UNC13A: variants seen among roughly 807,000 people sequenced by gnomAD.
The protein encoded by UNC13A is protein unc-13 homolog A.
UNC13A carries 61 observed loss-of-function variants against 219.7 expected under a neutral mutation model. The observed-to-expected ratio is 0.28, with a 90% CI of 0.23 to 0.34. The LOEUF (loss-of-function observed/expected upper bound fraction) is 0.34, where lower values mean the gene tolerates loss of function less well. UNC13A is among the 10% of genes least tolerant of loss of function. The pLI is 1.00. For synonymous variants in UNC13A, 920 were observed against 884.6 expected (o/e 1.04, Z -0.71); for missense variants, 1,476 against 2,270.3 (o/e 0.65, Z 7.11).
chr19:17,657,107 G>A (rs2079471278), intron 9 of UNC13A, among the ~76,000 whole-genome samples: 1 of 151,994 alleles, frequency 6.6e-6, no homozygotes, highest in Non-Finnish European at 1.5e-5. Flanking sequence ...GAAGCCACAG[G>A]GAATTGTAAA....
At chr19:17,660,342 C>A (rs928681536) in intron 8 of UNC13A, among the ~76,000 whole-genome samples, 3 of 151,534 alleles carry the variant, frequency 2.0e-5, no homozygotes, top group Admixed American at 6.6e-5. Context: ...GAGTTGGATT[C>A]TTTTTGCTTT....
intron 1 of UNC13A, among the ~76,000 whole-genome samples, chr19:17,680,152 AGG>A (rs1463659027): frequency 2.0e-5 from 1 of 49,772 alleles, no homozygotes; most frequent in African/African-American, 8.0e-5. Context: ...ATGGGCGCAG[AGG>A]GGAGGGTGGT....
rs1263784423 is a variant in UNC13A at position 17,605,288 on chromosome 19, C to G, written c.*766G>C. 6.5e-6 allele frequency: 1 copy of G among 152,860 alleles called. No individual in the cohort carries two copies. The highest frequency in any genetic ancestry group is 1.5e-5 in the Non-Finnish European group (1 of 68,206). 9.5% of individuals were successfully genotyped at this position (152,860 alleles called of 1,614,324 possible). ...AAGTCTCAAGCAGCTCTTTAAGCCT[C>G]AGTTTTGCCATCTGTCAAATGGGTG... On this transcript the variant is annotated 3_prime_UTR_variant, in exon 44 of 44. Coordinates refer to ENST00000519716, the MANE Select transcript of UNC13A (RefSeq NM_001080421.3).
intron 43 of UNC13A, among the ~76,000 whole-genome samples, chr19:17,608,930 C>G (rs1002518917): frequency 6.7e-6 from 1 of 148,952 alleles, no homozygotes; most frequent in Non-Finnish European, 1.5e-5. Flanking sequence ...AGCTTACAGG[C>G]GTGAGCCACC....
intron 28 of UNC13A, among the ~76,000 whole-genome samples, 161 bp from the exon 29 acceptor site, chr19:17,630,911 A>G (rs1253278056): frequency 6.6e-6 from 1 of 152,030 alleles, no homozygotes; most frequent in Non-Finnish European, 1.5e-5. Flanking sequence ...CGCCTCCTGC[A>G]CTGAACCTCA....
chr19:17,644,792 G>T (rs778933898), intron 19 of UNC13A, among the ~76,000 whole-genome samples: 2 of 151,868 alleles, frequency 1.3e-5, no homozygotes, highest in African/African-American at 2.4e-5. Context: ...CTCAGGCTCA[G>T]GGGATCCTCC....
intron 41 of UNC13A, among the ~76,000 whole-genome samples, chr19:17,616,946 C>T (rs1353176644): frequency 2.0e-5 from 3 of 152,164 alleles, no homozygotes; most frequent in Non-Finnish European, 4.4e-5. Flanking sequence ...GCCCCAGCTG[C>T]CGTGTGTGTG....
intron 2 of UNC13A, 72 bp downstream of exon 2, chr19:17,675,940 C>T (rs2079889927): frequency 7.8e-6 from 12 of 1,532,270 alleles, no homozygotes; most frequent in South Asian, 3.6e-5. Flanking sequence ...GCTGGGACCC[C>T]CTCCCAGTCT....
At chr19:17,659,515 C>T (rs1047332706) in intron 8 of UNC13A, among the ~76,000 whole-genome samples, 2 of 152,216 alleles carry the variant, frequency 1.3e-5, no homozygotes, top group African/African-American at 2.4e-5. Flanking sequence ...TGCCTGTAAT[C>T]CCAGCACTTT....
chr19:17,608,870 C>A (rs533423563), intron 43 of UNC13A, among the ~76,000 whole-genome samples: 2 of 149,260 alleles, frequency 1.3e-5, no homozygotes, highest in African/African-American at 2.5e-5. Context: ...AGGCTGGTCT[C>A]GAACTCCTGG....
intron 1 of UNC13A, 81 bp from the exon 2 acceptor site, chr19:17,676,122 G>A: frequency 7.2e-7 from 1 of 1,395,422 alleles, no homozygotes; most frequent in Non-Finnish European, 1.0e-6. Flanking sequence ...GAGATTCAGA[G>A]ACACACCAAG....
At chr19:17,676,699 C>T (rs1393799285) in intron 1 of UNC13A, among the ~76,000 whole-genome samples, 1 of 152,162 alleles carries the variant, frequency 6.6e-6, no homozygotes, top group Non-Finnish European at 1.5e-5. Flanking sequence ...GACAAAGCAA[C>T]CCAGAGAGCT....
chr19:17,663,944 C>T (rs1454939271), intron 7 of UNC13A, among the ~76,000 whole-genome samples: 2 of 151,710 alleles, frequency 1.3e-5, no homozygotes, highest in East Asian at 3.8e-4. Context: ...TACAGGCACA[C>T]ACCACCATGT....
intron 8 of UNC13A, among the ~76,000 whole-genome samples, chr19:17,658,925 A>G (rs2079506897): frequency 6.6e-6 from 1 of 152,016 alleles, no homozygotes; most frequent in African/African-American, 2.4e-5. Flanking sequence ...ACTAAAAGAT[A>G]TTTTGGTTTA....
chr19:17,641,303 T>A, intron 21 of UNC13A, 90 bp downstream of exon 21: 15 of 1,517,960 alleles, frequency 9.9e-6, no homozygotes, highest in Middle Eastern at 1.8e-4. Context: ...TCTCTGGGTC[T>A]TCCCCCTGAG....
Position 17,605,745 on chromosome 19 carries a change from T to C in UNC13A, c.*309A>G, listed in dbSNP as rs1184312235. 4 of 330,534 alleles carry C rather than the reference T, an allele frequency of 1.2e-5. No individual in the cohort carries two copies. The highest frequency in any genetic ancestry group is 2.2e-5 in the African/African-American group (1 of 46,246). 20.5% of individuals were successfully genotyped at this position (330,534 alleles called of 1,614,324 possible). The stretch of plus-strand genomic sequence containing the variant: ...ACCAGAGCCCCGGGATGTGGCCTCC[T>C]CCATAGGGACGAGGTTTCCCCCATC... On this transcript the variant is annotated 3_prime_UTR_variant, in exon 44 of 44. Transcript: ENST00000519716.
rs1385415251 is a variant in UNC13A at position 17,635,017 on chromosome 19, C to T, written c.3215+1007G>A. ...TCCCGAGTAGCTGGGACTACAGGCG[C>T]CCACCACCACTCCCGGCTAATTTTT... On this transcript the variant is annotated intron_variant, in intron 26 of 43. Coordinates refer to ENST00000519716, the MANE Select transcript of UNC13A (RefSeq NM_001080421.3). 2.0e-5 allele frequency among the ~76,000 whole-genome samples: 3 copies of T among 152,140 alleles called. No homozygotes were observed. The East Asian group carries it at 5.8e-4, about 29-fold the overall frequency.
chr19:17,610,374 G>A (rs1346966585), intron 42 of UNC13A, among the ~76,000 whole-genome samples: 1 of 152,174 alleles, frequency 6.6e-6, no homozygotes, highest in Non-Finnish European at 1.5e-5. Flanking sequence ...GCTAAAGCAG[G>A]AGGATTGCTT....
chr19:17,612,643 G>C (rs893581595), intron 41 of UNC13A, among the ~76,000 whole-genome samples: 2 of 152,058 alleles, frequency 1.3e-5, no homozygotes, highest in African/African-American at 4.8e-5. Flanking sequence ...TCAGGAGTTT[G>C]AGACTAGCCT....
Sources: allele counts gnomAD v4.1 joint callset (sites outside exome capture counted in the v4.1 genomes callset), GRCh38; gene constraint gnomAD v4.1.1; transcripts MANE v1.5; gene names NCBI Gene and HGNC (gene_info 2026-07-23, HGNC 2026-07-21).